The following CDH23 variants were observed in gnomAD, a reference collection of about 807,000 sequenced individuals.
CDH23 encodes cadherin-23.
Under a neutral mutation model 317.1 loss-of-function variants are expected in CDH23, and 189 were observed. The ratio of observed to expected loss-of-function variants is 0.60; its 90% confidence interval spans 0.53 to 0.67. The LOEUF (loss-of-function observed/expected upper bound fraction) is 0.67. CDH23 is among the 30% of genes least tolerant of loss of function. The probability of loss-of-function intolerance (pLI) is 0.00; values close to 1 mark genes in which losing one functional copy is unlikely to be tolerated. For synonymous variants in CDH23, 1,839 were observed against 1,876.8 expected, an observed-to-expected ratio of 0.98 and a Z score of 0.52; for missense variants, 4,401 against 4,592.4, an observed-to-expected ratio of 0.96 and a Z score of 1.20.
intron 18 of CDH23, among the ~76,000 whole-genome samples, chr10:71,686,031 A>C (rs1864868895): frequency 6.6e-6 from 1 of 152,014 alleles, no homozygotes; most frequent in Non-Finnish European, 1.5e-5. Flanking sequence ...GAGGGGCCGG[A>C]GGGGCCAGGT....
At chr10:71,561,933 C>T (rs1857151444) in intron 6 of CDH23, among the ~76,000 whole-genome samples, 1 of 152,064 alleles carries the variant, frequency 6.6e-6, no homozygotes, top group Non-Finnish European at 1.5e-5. Context: ...AGTGATCATG[C>T]CCCATGGGGT....
chr10:71,645,768 T>C (rs1473090080), intron 12 of CDH23, 63 bp from the exon 13 acceptor site: 1 of 1,548,068 alleles, frequency 6.5e-7, no homozygotes, highest in Non-Finnish European at 8.9e-7. Context: ...TGCTCCTCCA[T>C]TTGGGTCTAG....
Position 71,798,378 on chromosome 10 carries a change from A to T in CDH23, c.6854A>T (p.Asp2285Val). 6.2e-7 allele frequency: 1 copy of T among 1,613,846 alleles called. No individual in the cohort carries two copies. Among genetic ancestry groups the T allele is most frequent in the Non-Finnish European group, 8.5e-7 (1 of 1,179,766 alleles). The change falls in exon 50 of 70, where the codon GAC (aspartate) becomes GTC (valine). Residue 2285 changes from aspartate to valine, a missense_variant. Transcript: ENST00000224721. ...GCCAAGCTGACTGTCAACGTCCTGG[A>T]CGTCAATGACAATACGCCCCAGTTC... is the stretch of plus-strand genomic sequence containing the variant. The part of the protein sequence containing the change: ...PNAKLTVNVL[D>V]VNDNTPQFKP...
intron 4 of CDH23, among the ~76,000 whole-genome samples, chr10:71,510,584 C>T (rs1853912259): frequency 6.6e-6 from 1 of 152,034 alleles, no homozygotes; most frequent in Non-Finnish European, 1.5e-5. Context: ...GCATGGTAGC[C>T]CTTAGCAAGT....
intron 9 of CDH23, among the ~76,000 whole-genome samples, chr10:71,597,207 G>A (rs887404832): frequency 2.6e-5 from 4 of 152,074 alleles, no homozygotes; most frequent in African/African-American, 9.7e-5. Context: ...CCTGGGGCCG[G>A]GAGGGTGGGG....
chr10:71,496,754 C>T (rs1317208428), intron 3 of CDH23, among the ~76,000 whole-genome samples: 1 of 152,192 alleles, frequency 6.6e-6, no homozygotes, highest in African/African-American at 2.4e-5. Context: ...TGGAATCACT[C>T]GAGTGGTTCA....
rs373600041 is a variant in CDH23, at chr10:71,809,997, G to A, written c.8900G>A (p.Arg2967His). The A allele has an allele frequency of 1.6e-5, 26 of 1,612,264 alleles. No homozygotes were observed. Among genetic ancestry groups the A allele is most frequent in the Admixed American group, 5.0e-5 (3 of 60,012 alleles). Residue 2967 changes from arginine to histidine, a missense_variant, in exon 61 of 70, where the codon CGT (arginine) becomes CAT (histidine). Physicochemically the swap from Arg to His is conservative, Grantham distance 29 (BLOSUM62 0). Transcript: ENST00000224721. Reference protein sequence around the residue: ...VKIVINEIPDRVRGFEEEFIH... With the variant: ...VKIVINEIPDHVRGFEEEFIH... The stretch of plus-strand genomic sequence containing the variant: ...ATCGTCATTAACGAGATCCCCGACC[G>A]TGTGCGCGGCTTCGAGGAGGAGTTC...
chr10:71,432,921 C>T (rs1370949041), intron 1 of CDH23, among the ~76,000 whole-genome samples: 1 of 152,128 alleles, frequency 6.6e-6, no homozygotes, highest in Non-Finnish European at 1.5e-5. Flanking sequence ...CCCAGAGTCT[C>T]CCCTGGTGTT....
intron 11 of CDH23, among the ~76,000 whole-genome samples, chr10:71,628,492 T>C (rs1861852942): frequency 6.6e-6 from 1 of 152,044 alleles, no homozygotes; most frequent in South Asian, 2.1e-4. Flanking sequence ...TCAAAGTAAT[T>C]GAGAGTGAGA....
chr10:71,404,189 C>T (rs889710876), intron 1 of CDH23, among the ~76,000 whole-genome samples: 3 of 152,196 alleles, frequency 2.0e-5, no homozygotes, highest in Non-Finnish European at 2.9e-5. Flanking sequence ...CATATATATA[C>T]ACCTGTGTAA....
chr10:71,706,861 G>T, intron 25 of CDH23, 36 bp from the exon 26 acceptor site: 1 of 1,559,658 alleles, frequency 6.4e-7, no homozygotes, highest in Admixed American at 1.9e-5. Context: ...TGCGGCAGAA[G>T]CCAGGCCTAG....
rs1842111604 is a variant in CDH23, at chr10:71,815,690, A to T, written c.*412A>T. On this transcript the variant is annotated 3_prime_UTR_variant, in exon 70 of 70. Transcript: ENST00000224721. ...GGCGCAAGGGAGGCCCAGCGCGGAC[A>T]TCCCCTGCTGGCCGGACACCCGACT... 1 of 166,770 alleles carries T rather than the reference A, an allele frequency of 6.0e-6. No individual in the cohort carries two copies. Among genetic ancestry groups the T allele is most frequent in the African/African-American group, 2.4e-5 (1 of 41,886 alleles). 10.3% of individuals were successfully genotyped at this position (166,770 alleles called of 1,614,324 possible). A position where few individuals can be genotyped will look rare whatever the true frequency, so the allele number is the denominator to read the frequency against.
At chr10:71,446,174 A>G in intron 2 of CDH23, 144 bp from the exon 3 acceptor site, 1 of 754,888 alleles carries the variant, frequency 1.3e-6, no homozygotes, top group Non-Finnish European at 2.3e-6. Flanking sequence ...GAGGCAGGAT[A>G]GTGACTTCCA....
chr10:71,659,887 G>A (rs1011346883), intron 14 of CDH23, among the ~76,000 whole-genome samples: 27 of 151,748 alleles, frequency 1.8e-4, no homozygotes, highest in Admixed American at 9.2e-4. Flanking sequence ...GATAAAGACC[G>A]CGTCCTCCAG....
At chr10:71,536,929 C>A (rs911048157) in intron 6 of CDH23, among the ~76,000 whole-genome samples, 3 of 152,102 alleles carry the variant, frequency 2.0e-5, no homozygotes, top group Non-Finnish European at 4.4e-5. Context: ...GTCCTGCGAG[C>A]CTTGAGGACA....
At position 71,746,375 on chromosome 10, in the gene CDH23, G is replaced by A. The variant is rs188066639; in HGVS notation, c.4845+4454G>A. On this transcript the variant is annotated intron_variant, in intron 38 of 69. Transcript: ENST00000224721. ...CGTCCCCCCAGGTTCCTGAGAGCTG[G>A]ACATTCCTGCAAACAGCCTAGGCCA... is the stretch of plus-strand genomic sequence containing the variant. Among the ~76,000 whole-genome samples the A allele has an allele frequency of 2.2e-3, 342 of 152,320 alleles. 4 individuals are homozygous for A. The highest frequency in any genetic ancestry group is 7.9e-3 in the African/African-American group (327 of 41,554).
At chr10:71,669,352 GC>G (rs1426759039) in intron 14 of CDH23, among the ~76,000 whole-genome samples, 15 of 152,126 alleles carry the variant, frequency 9.9e-5, no homozygotes, top group Admixed American at 2.6e-4. Context: ...TGACCTTCAA[GC>G]CCACTTTCAG....
chr10:71,446,216 ACAGGCT>A, intron 2 of CDH23, 96 bp from the exon 3 acceptor site: 1 of 1,125,970 alleles, frequency 8.9e-7, no homozygotes, highest in Non-Finnish European at 1.3e-6. Context: ...GGCCATGGAC[ACAGGCT>A]CAGTGCCCAC....
intron 28 of CDH23, chr10:71,716,018 C>A (rs1248414655): frequency 6.7e-7 from 1 of 1,499,644 alleles, no homozygotes; most frequent in Non-Finnish European, 8.9e-7. Context: ...GACGGTGGGC[C>A]GGCCATGGCG....
Sources: gnomAD v4.1 joint callset for allele counts (sites outside exome capture counted in the v4.1 genomes callset) on GRCh38, gnomAD v4.1.1 for gene constraint, MANE v1.5 for transcripts, NCBI Gene and HGNC (gene_info 2026-07-23, HGNC 2026-07-21) for gene names.